Variants in ANTXR2 observed in about 807,000 individuals in gnomAD.
The protein encoded by ANTXR2 is anthrax toxin receptor 2.
In ANTXR2, 44 loss-of-function variants were observed where a neutral mutation model predicts 73.7. That is an observed-to-expected ratio of 0.60 (90% CI 0.47 to 0.77). The LOEUF (loss-of-function observed/expected upper bound fraction) is 0.77, where lower values mean the gene tolerates loss of function less well. Ranked by LOEUF, ANTXR2 falls within the 30% of genes least tolerant of loss-of-function variation. The pLI is 0.00. For synonymous variants in ANTXR2, 217 were observed against 205.9 expected (o/e 1.05, Z -0.46); for missense variants, 604 against 592.5 (o/e 1.02, Z -0.20).
rs1729729747 is a variant in ANTXR2, at chr4:79,978,255, A to T, written c.1180-81T>A. 7 of 1,322,908 alleles carry T rather than the reference A, an allele frequency of 5.3e-6. No individual in the cohort carries two copies. In the East Asian group the frequency reaches 1.7e-4, roughly 33 times the overall value. The allele number at this position is 1,322,908 out of a possible 1,614,324, so 81.9% of individuals were successfully genotyped here. A position where few individuals can be genotyped will look rare whatever the true frequency, so the allele number is the denominator to read the frequency against. On this transcript the variant is annotated intron_variant, in intron 14 of 16. Transcript: ENST00000403729. The stretch of plus-strand genomic sequence containing the variant: ...GCTCTTATTGAGCCTATGGTCCTTT[A>T]GTTCACATCTCAGAGTGAAAAAGAA...
intron 16 of ANTXR2, among the ~76,000 whole-genome samples, chr4:79,916,137 C>T (rs1387808057): frequency 6.6e-6 from 1 of 151,896 alleles, no homozygotes; most frequent in African/African-American, 2.4e-5. Flanking sequence ...TGACTCTATA[C>T]ATATGGTTAA....
intron 12 of ANTXR2, among the ~76,000 whole-genome samples, chr4:79,998,986 T>A (rs573456735): frequency 2.4e-4 from 37 of 152,184 alleles, no homozygotes; most frequent in Non-Finnish European, 5.0e-4. Flanking sequence ...GAGGACACTA[T>A]CTGCAACATT....
chr4:79,994,472 T>A (rs1181656992), intron 12 of ANTXR2, among the ~76,000 whole-genome samples: 2 of 152,016 alleles, frequency 1.3e-5, no homozygotes, highest in Non-Finnish European at 2.9e-5. Context: ...GAATAATACA[T>A]CTGAACTCAT....
At chr4:79,959,615 G>C (rs985107646) in intron 16 of ANTXR2, among the ~76,000 whole-genome samples, 30 of 152,186 alleles carry the variant, frequency 2.0e-4, no homozygotes, top group African/African-American at 7.2e-4. Flanking sequence ...ACTGAGCTGT[G>C]GGAACCACAA....
intron 10 of ANTXR2, among the ~76,000 whole-genome samples, chr4:80,023,359 T>C (rs991112978): frequency 4.6e-5 from 7 of 152,208 alleles, no homozygotes; most frequent in Non-Finnish European, 1.0e-4. Flanking sequence ...GGTTTAGGAA[T>C]ATCTGCCAAT....
intron 12 of ANTXR2, among the ~76,000 whole-genome samples, chr4:79,985,663 T>C (rs1020276154): frequency 6.6e-6 from 1 of 152,110 alleles, no homozygotes; most frequent in Non-Finnish European, 1.5e-5. Context: ...AGCTTCCAGA[T>C]GACTCCGGCC....
intron 16 of ANTXR2, among the ~76,000 whole-genome samples, chr4:79,929,477 A>G (rs1443247945): frequency 6.6e-6 from 1 of 152,172 alleles, no homozygotes; most frequent in Non-Finnish European, 1.5e-5. Context: ...GCGCCACTGC[A>G]CTCCAGGCTG....
chr4:80,033,383 GT>G (rs1424198267), intron 9 of ANTXR2, 88 bp downstream of exon 9: 5 of 880,570 alleles, frequency 5.7e-6, no homozygotes, highest in Non-Finnish European at 8.7e-6. Flanking sequence ...AAATATGTCA[GT>G]TAGTTTTCGT....
chr4:80,013,950 A>C (rs1231783183), intron 11 of ANTXR2, among the ~76,000 whole-genome samples: 1 of 152,176 alleles, frequency 6.6e-6, no homozygotes, highest in Non-Finnish European at 1.5e-5. Context: ...TAAGAAAGAG[A>C]AGGCTTCAAG....
intron 6 of ANTXR2, among the ~76,000 whole-genome samples, 178 bp from the exon 7 acceptor site, chr4:80,054,530 T>A (rs1733905951): frequency 6.6e-6 from 1 of 151,790 alleles, no homozygotes; most frequent in Non-Finnish European, 1.5e-5. Flanking sequence ...ACTCTAAATG[T>A]ATTACCACAA....
At chr4:79,936,303 T>G (rs570212810) in intron 16 of ANTXR2, among the ~76,000 whole-genome samples, 48 of 150,494 alleles carry the variant, frequency 3.2e-4, no homozygotes, top group African/African-American at 1.2e-3. Flanking sequence ...GACAAAATGC[T>G]ATTTAACTGT....
At chr4:80,042,418 T>C (rs1296828011) in intron 7 of ANTXR2, among the ~76,000 whole-genome samples, 2 of 152,032 alleles carry the variant, frequency 1.3e-5, no homozygotes, top group Non-Finnish European at 1.5e-5. Context: ...GGTGTTTTTC[T>C]TTCTTTCTCT....
intron 16 of ANTXR2, among the ~76,000 whole-genome samples, chr4:79,908,531 G>T (rs1727005807): frequency 6.6e-6 from 1 of 152,066 alleles, no homozygotes. Flanking sequence ...AATTAGTGAA[G>T]AAACAGAAAA....
chr4:80,011,457 T>C (rs1323367153), intron 11 of ANTXR2, among the ~76,000 whole-genome samples: 2 of 152,184 alleles, frequency 1.3e-5, no homozygotes, highest in African/African-American at 2.4e-5. Flanking sequence ...AGCCAATCTA[T>C]TTTGTAAGAC....
chr4:80,005,423 T>A (rs759061489), intron 12 of ANTXR2, among the ~76,000 whole-genome samples: 1 of 152,162 alleles, frequency 6.6e-6, no homozygotes, highest in Non-Finnish European at 1.5e-5. Flanking sequence ...ACAGTCAAAG[T>A]CATATTGATC....
intron 16 of ANTXR2, among the ~76,000 whole-genome samples, chr4:79,973,296 T>C (rs910762460): frequency 6.6e-6 from 1 of 152,270 alleles, no homozygotes; most frequent in African/African-American, 2.4e-5. Context: ...TGTGTATTTT[T>C]ATGATTAAAT....
chr4:80,015,695 C>G (rs966320541), intron 11 of ANTXR2, among the ~76,000 whole-genome samples: 3 of 147,654 alleles, frequency 2.0e-5, no homozygotes, highest in African/African-American at 7.5e-5. Context: ...TAACAGCATA[C>G]AAGGAAAAAG....
intron 7 of ANTXR2, among the ~76,000 whole-genome samples, chr4:80,047,071 T>C (rs1733549827): frequency 2.0e-5 from 3 of 151,702 alleles, no homozygotes; most frequent in South Asian, 4.1e-4. Context: ...AAATTAAAAT[T>C]TGGAATTTCA....
Position 80,062,292 on chromosome 4 carries a change from T to C in ANTXR2, c.297-6279A>G, listed in dbSNP as rs1350330287. Among the ~76,000 whole-genome samples the C allele has an allele frequency of 3.9e-5, 6 of 152,292 alleles. No homozygotes were observed. The East Asian group carries it at 1.2e-3, about 29-fold the overall frequency. On this transcript the variant is annotated intron_variant, in intron 3 of 16. Transcript: ENST00000403729. The stretch of plus-strand genomic sequence containing the variant: ...GCCTGCACCTACCAAAATGTGGTAC[T>C]CAATTCACACCTGAAGTTCAGGCCT...
Sources: gnomAD v4.1 joint callset for allele counts (sites outside exome capture counted in the v4.1 genomes callset) on GRCh38, gnomAD v4.1.1 for gene constraint, MANE v1.5 for transcripts, NCBI Gene and HGNC (gene_info 2026-07-23, HGNC 2026-07-21) for gene names.